The following LARGE1 variants were observed in gnomAD, a reference collection of about 807,000 sequenced individuals.
LARGE1 encodes the protein xylosyl- and glucuronyltransferase LARGE1.
LARGE1 carries 43 observed loss-of-function variants against 87.6 expected under a neutral mutation model. The ratio of observed to expected loss-of-function variants is 0.49; its 90% confidence interval spans 0.38 to 0.63. The LOEUF is 0.63. LARGE1 is among the 30% of genes least tolerant of loss of function. The pLI is 0.00. For missense variants in LARGE1, 802 were observed against 1,000.2 expected, an observed-to-expected ratio of 0.80 and a Z score of 2.67; for synonymous variants, 434 against 394.6, an observed-to-expected ratio of 1.10 and a Z score of -1.18.
intron 1 of LARGE1, among the ~76,000 whole-genome samples, chr22:33,793,641 C>T (rs2085890384): frequency 6.6e-6 from 1 of 152,140 alleles, no homozygotes. Flanking sequence ...CTGTCACTTC[C>T]AGAGTCCCTC....
At chr22:33,660,458 CTGTG>C (rs574830376) in intron 2 of LARGE1, among the ~76,000 whole-genome samples, 497 of 152,302 alleles carry the variant, frequency 3.3e-3, no homozygotes, top group African/African-American at 0.011. Context: ...GACAATTGAT[CTGTG>C]TGTGAGAGCA....
chr22:33,850,266 C>T (rs1568985193), intron 1 of LARGE1, among the ~76,000 whole-genome samples: 1 of 152,158 alleles, frequency 6.6e-6, no homozygotes, highest in African/African-American at 2.4e-5. Flanking sequence ...TCTTCTAACC[C>T]CTATTTTCCC....
At chr22:33,125,992 C>T in the LARGE1 span, among the ~76,000 whole-genome samples, 1 of 152,204 alleles carries the variant, frequency 6.6e-6, no homozygotes, top group African/African-American at 2.4e-5. Context: ...CGACAATCCA[C>T]CCGACTCAGC....
intron 6 of LARGE1, among the ~76,000 whole-genome samples, chr22:33,450,552 G>A (rs1370448653): frequency 6.6e-6 from 1 of 152,000 alleles, no homozygotes; most frequent in South Asian, 2.1e-4. Context: ...GGCAGAGGCT[G>A]CAGTGAGCCA....
chr22:33,599,414 T>A (rs1257247313), intron 5 of LARGE1, among the ~76,000 whole-genome samples: 1 of 152,066 alleles, frequency 6.6e-6, no homozygotes, highest in African/African-American at 2.4e-5. Context: ...TGAGTGGAGT[T>A]CAGAGCAGAG....
At chr22:33,769,848 T>G (rs1453672893) in intron 1 of LARGE1, among the ~76,000 whole-genome samples, 2 of 152,216 alleles carry the variant, frequency 1.3e-5, no homozygotes, top group Non-Finnish European at 2.9e-5. Flanking sequence ...TGGATCCTCC[T>G]GCCACTCTCT....
chr22:33,302,759 C>T (rs1020274310), intron 12 of LARGE1, among the ~76,000 whole-genome samples: 32 of 152,130 alleles, frequency 2.1e-4, no homozygotes, highest in African/African-American at 5.8e-4. Flanking sequence ...AGCCCAACAA[C>T]GTGTAGCAGG....
At chr22:33,230,668 T>C (rs914003871) in intron 11 of LARGE1, among the ~76,000 whole-genome samples, 2 of 150,664 alleles carry the variant, frequency 1.3e-5, no homozygotes, top group Non-Finnish European at 3.0e-5. Context: ...GGTGGGTTAT[T>C]GGACTGGCCC....
chr22:33,131,521 T>C, the LARGE1 span, among the ~76,000 whole-genome samples: 1 of 152,268 alleles, frequency 6.6e-6, no homozygotes, highest in Admixed American at 6.5e-5. Context: ...GGACTCACAG[T>C]TCCACATGGC....
intron 1 of LARGE1, among the ~76,000 whole-genome samples, chr22:33,848,282 T>C (rs1281172546): frequency 1.3e-5 from 2 of 152,178 alleles, no homozygotes; most frequent in East Asian, 1.9e-4. Context: ...TGCAACAGTC[T>C]TCCTCACCAA....
chr22:33,525,521 T>C (rs992828505), intron 6 of LARGE1, among the ~76,000 whole-genome samples: 4 of 152,204 alleles, frequency 2.6e-5, no homozygotes, highest in African/African-American at 9.7e-5. Flanking sequence ...TGATATTTGA[T>C]CTATAATCAA....
the LARGE1 span, among the ~76,000 whole-genome samples, chr22:33,085,764 CAAAT>C: frequency 2.6e-5 from 4 of 152,268 alleles, no homozygotes; most frequent in South Asian, 4.1e-4. Context: ...TGCTGAGTCA[CAAAT>C]AAACCTTTTC....
At chr22:33,151,478 A>G in the LARGE1 span, among the ~76,000 whole-genome samples, 5 of 152,302 alleles carry the variant, frequency 3.3e-5, no homozygotes, top group Non-Finnish European at 7.4e-5. Flanking sequence ...TTCTAGTGCT[A>G]TGTCAAATAG....
Position 33,802,586 on chromosome 22 carries a change from G to C in LARGE1, c.-82-41028C>G, listed in dbSNP as rs114598686. Among the ~76,000 whole-genome samples the C allele has an allele frequency of 5.3e-3, 808 of 152,280 alleles. 6 individuals carry two copies. The highest frequency in any genetic ancestry group is 0.018 in the African/African-American group (764 of 41,540). ...AGGGACACAGGACATCTCCTGCACT[G>C]ATCTCTTTGTATGGACAATATGCTT... On this transcript the variant is annotated intron_variant, in intron 1 of 14. Coordinates refer to ENST00000397394, the MANE Select transcript of LARGE1 (RefSeq NM_133642.5).
chr22:33,554,126 T>C lies in LARGE1; in HGVS notation c.787+10722A>G, dbSNP rs1356251822. The stretch of plus-strand genomic sequence containing the variant: ...CAGGACACAATCAGGGTGAGTCCAG[T>C]GATCCCTCCTCATGAGTTCTGCTCA... On this transcript the variant is annotated intron_variant, in intron 6 of 14. Coordinates refer to ENST00000397394, the MANE Select transcript of LARGE1 (RefSeq NM_133642.5). Among the ~76,000 whole-genome samples the C allele has an allele frequency of 3.3e-5, 5 of 152,132 alleles. No homozygotes were observed. In the South Asian group the frequency reaches 8.3e-4, roughly 25 times the overall value.
chr22:33,286,638 T>G (rs1005715672), intron 12 of LARGE1, among the ~76,000 whole-genome samples: 12 of 152,198 alleles, frequency 7.9e-5, no homozygotes, highest in Admixed American at 7.2e-4. Context: ...ATTGCATTTG[T>G]AGCTGATTAT....
chr22:33,896,252 G>A (rs184838190), intron 1 of LARGE1, among the ~76,000 whole-genome samples: 25 of 152,242 alleles, frequency 1.6e-4, no homozygotes, highest in African/African-American at 4.3e-4. Context: ...CCATGTTGTC[G>A]CATGTGACAG....
At position 33,274,528 on chromosome 22, in the gene LARGE1, G is replaced by C. The variant is rs1483383744; in HGVS notation, c.2170C>G (p.Arg724Gly). ...ITKFRSNKQY[R>G]ICLKTLKEEF... Reference sequence around the variant, plus strand: ...TCCTTGAGGGTTTTGAGACAGATGCGGTATTGCTTGTTGGAACGGAACTTG... The same window carrying C: ...TCCTTGAGGGTTTTGAGACAGATGCCGTATTGCTTGTTGGAACGGAACTTG... Residue 724 changes from arginine (R) to glycine (G), a missense_variant, in exon 15 of 15, where the codon CGC becomes GGC. Coordinates refer to ENST00000397394, the MANE Select transcript of LARGE1 (RefSeq NM_133642.5). 2.5e-6 allele frequency: 4 copies of C among 1,614,122 alleles called. No individual in the cohort carries two copies. In the South Asian group the frequency reaches 4.4e-5, roughly 18 times the overall value.
At chr22:33,130,014 C>A in the LARGE1 span, among the ~76,000 whole-genome samples, 1 of 152,070 alleles carries the variant, frequency 6.6e-6, no homozygotes, top group Non-Finnish European at 1.5e-5. Flanking sequence ...ACTTCTATTT[C>A]ATTCTAAAAC....
Sources: allele counts gnomAD v4.1 joint callset (sites outside exome capture counted in the v4.1 genomes callset), GRCh38; gene constraint gnomAD v4.1.1; transcripts MANE v1.5; gene names NCBI Gene and HGNC (gene_info 2026-07-23, HGNC 2026-07-21).